The following IL1R2 variants were observed in gnomAD, a reference collection of about 807,000 sequenced individuals.
IL1R2 encodes interleukin-1 receptor type 2.
Under a neutral mutation model 39.5 loss-of-function variants are expected in IL1R2, and 46 were observed. That is an observed-to-expected ratio of 1.16 (90% CI 0.92 to 1.49). The LOEUF (loss-of-function observed/expected upper bound fraction) is 1.49. Ranked by LOEUF, IL1R2 falls within the 40% of genes most tolerant of loss-of-function variation. The probability of loss-of-function intolerance (pLI) is 0.00; values close to 1 mark genes in which losing one functional copy is unlikely to be tolerated. For missense variants in IL1R2, 537 were observed against 502.0 expected (o/e 1.07, Z -0.67); for synonymous variants, 207 against 189.6 (o/e 1.09, Z -0.75).
chr2:102,019,896 C>T, intron 5 of IL1R2, 84 bp downstream of exon 5: 1 of 1,177,582 alleles, frequency 8.5e-7, no homozygotes, highest in Non-Finnish European at 1.2e-6. Flanking sequence ...CGTAGAATTC[C>T]TTGCAGGTCT....
chr2:102,008,392 C>T (rs573776034), intron 1 of IL1R2, 123 bp from the exon 2 acceptor site: 1 of 599,966 alleles, frequency 1.7e-6, no homozygotes, highest in Non-Finnish European at 3.0e-6. Context: ...TGTTCTTAAA[C>T]AGAGTAGGCC....
chr2:102,012,208 T>G (rs1676681297), intron 3 of IL1R2, among the ~76,000 whole-genome samples: 1 of 152,216 alleles, frequency 6.6e-6, no homozygotes, highest in Non-Finnish European at 1.5e-5. Context: ...GCTTTGTTCT[T>G]CTGAACTAAG....
intron 1 of IL1R2, among the ~76,000 whole-genome samples, chr2:102,000,015 G>A (rs1166713287): frequency 6.6e-6 from 1 of 152,194 alleles, no homozygotes; most frequent in African/African-American, 2.4e-5. Context: ...TAGCTAAGTT[G>A]CCAACTACAA....
chr2:102,019,046 T>A (rs1362552977), intron 4 of IL1R2, among the ~76,000 whole-genome samples: 7 of 152,158 alleles, frequency 4.6e-5, no homozygotes, highest in Non-Finnish European at 7.4e-5. Context: ...TTTTTAGAAA[T>A]CCCATTCCGC....
rs1677606345 is a variant in IL1R2 at position 102,024,515 on chromosome 2, G to A, written c.752-18G>A. ...GTGCTGGTTCTGCAGTTGACGTGCT[G>A]TGCCTTGCCATCCACAGGGTCAAGA... On this transcript the variant is annotated intron_variant, in intron 6 of 8. Coordinates refer to ENST00000332549, the MANE Select transcript of IL1R2 (RefSeq NM_004633.4). The A allele has an allele frequency of 3.1e-6, 5 of 1,601,766 alleles. No homozygotes were observed. Among genetic ancestry groups the A allele is most frequent in the South Asian group, 1.1e-5 (1 of 90,838 alleles).
intron 1 of IL1R2, among the ~76,000 whole-genome samples, chr2:102,003,828 T>TCTGTGG (rs1676082355): frequency 4.3e-5 from 2 of 46,880 alleles, no homozygotes; most frequent in African/African-American, 2.0e-4. Flanking sequence ...TGTGTCTGTG[T>TCTGTGG]CTGTGTCTGT....
intron 1 of IL1R2, among the ~76,000 whole-genome samples, chr2:101,995,870 G>A (rs1406642245): frequency 6.6e-6 from 1 of 152,190 alleles, no homozygotes; most frequent in Non-Finnish European, 1.5e-5. Context: ...GGAGGGTGGA[G>A]ATTATTCCTA....
intron 4 of IL1R2, 91 bp downstream of exon 4, chr2:102,016,142 A>G: frequency 1.0e-6 from 1 of 958,670 alleles, no homozygotes; most frequent in Non-Finnish European, 1.6e-6. Flanking sequence ...TTTTCTGAAG[A>G]CAGTGCACAC....
At chr2:102,027,878 G>A (rs576125816) in intron 8 of IL1R2, among the ~76,000 whole-genome samples, 1 of 152,302 alleles carries the variant, frequency 6.6e-6, no homozygotes, top group South Asian at 2.1e-4. Flanking sequence ...GAAAAGGGCA[G>A]ATTGTTCCTG....
chr2:102,025,848 C>T (rs1264721051), intron 7 of IL1R2, among the ~76,000 whole-genome samples: 1 of 152,106 alleles, frequency 6.6e-6, no homozygotes, highest in Non-Finnish European at 1.5e-5. Context: ...AGATGAACTT[C>T]CCCATTATCT....
Position 101,995,410 on chromosome 2 carries a change from T to C in IL1R2, c.-62+3399T>C, listed in dbSNP as rs183810041. 4.0e-3 allele frequency among the ~76,000 whole-genome samples: 615 copies of C among 152,056 alleles called. 3 individuals carry two copies. The highest frequency in any genetic ancestry group is 6.8e-3 in the Non-Finnish European group (460 of 67,946). On this transcript the variant is annotated intron_variant, in intron 1 of 8. Transcript: ENST00000332549. ...GAGAGTGGCCTTATCCAGGAAGAAA[T>C]TGGGGGCTCAGTCCTGCAGTCATAA...
rs754830691 is a variant in IL1R2 at position 102,024,638 on chromosome 2, C to T, written c.857C>T (p.Pro286Leu). 22 of 1,614,050 alleles carry T rather than the reference C, an allele frequency of 1.4e-5. No individual in the cohort carries two copies. Among genetic ancestry groups the T allele is most frequent in the Admixed American group, 5.0e-5 (3 of 60,012 alleles). Residue 286 changes from proline (P) to leucine (L), a missense_variant, in exon 7 of 9, where the codon CCG becomes CTG. Coordinates refer to ENST00000332549, the MANE Select transcript of IL1R2 (RefSeq NM_004633.4). The stretch of plus-strand genomic sequence containing the variant: ...GACACCCACATAGAGAGCGCCTACC[C>T]GGGAGGCCGCGTGACCGAGGGGCCA... ...ANDTHIESAYPGGRVTEGPRQ... is the reference protein window; with the variant it reads ...ANDTHIESAYLGGRVTEGPRQ...
rs765619024 is a variant in IL1R2 at position 102,028,218 on chromosome 2, T to TC, written c.1031-5dup. 5 of 1,602,402 alleles carry TC rather than the reference T, an allele frequency of 3.1e-6. No individual in the cohort carries two copies. In the East Asian group the frequency reaches 8.9e-5, roughly 29 times the overall value. On this transcript the variant is annotated splice_region_variant and splice_polypyrimidine_tract_variant and intron_variant, in intron 8 of 8. Transcript: ENST00000332549. Reference sequence around the variant, plus strand: ...TCAGCTCCTGATGTGACTCTGTTCTTCCCACAGCCTCCTCCACGTTCTCCT... The same window carrying TC: ...TCAGCTCCTGATGTGACTCTGTTCTTCCCCACAGCCTCCTCCACGTTCTCCT...
chr2:101,994,243 T>A (rs573668885), intron 1 of IL1R2, among the ~76,000 whole-genome samples: 1 of 151,882 alleles, frequency 6.6e-6, no homozygotes, highest in Non-Finnish European at 1.5e-5. Context: ...CCCTTCTACA[T>A]CCCCACTCCC....
In IL1R2 at chr2:102,010,231, C is replaced by T. The variant is rs1676537690; in HGVS notation, c.332+405C>T. 2.9e-5 allele frequency: 5 copies of T among 174,496 alleles called. No individual in the cohort carries two copies. The South Asian group carries it at 6.6e-4, about 23-fold the overall frequency. 10.8% of individuals were successfully genotyped at this position (174,496 alleles called of 1,614,324 possible). On this transcript the variant is annotated intron_variant, in intron 3 of 8. Transcript: ENST00000332549. ...GGTCTATGTTGTTCACTGTTGAAGCCACATGGTAAGGAACCAAGAAATAGA... is the reference window on the plus strand; with the variant it reads ...GGTCTATGTTGTTCACTGTTGAAGCTACATGGTAAGGAACCAAGAAATAGA...
chr2:102,001,265 G>C (rs548990599), intron 1 of IL1R2, among the ~76,000 whole-genome samples: 3 of 152,226 alleles, frequency 2.0e-5, no homozygotes, highest in Non-Finnish European at 2.9e-5. Context: ...TGGTTTTAGC[G>C]AGAAGGGATG....
intron 8 of IL1R2, among the ~76,000 whole-genome samples, chr2:102,026,950 A>G (rs1677780434): frequency 6.6e-6 from 1 of 152,208 alleles, no homozygotes; most frequent in South Asian, 2.1e-4. Flanking sequence ...TAACATAAAT[A>G]CAAATTGCTC....
intron 1 of IL1R2, among the ~76,000 whole-genome samples, chr2:102,003,674 C>T (rs1238296736): frequency 7.3e-6 from 1 of 137,628 alleles, no homozygotes; most frequent in African/African-American, 2.8e-5. Context: ...GTGTCTGTGT[C>T]GGTGTCTGTG....
At chr2:102,002,567 T>A (rs1366664019) in intron 1 of IL1R2, among the ~76,000 whole-genome samples, 1 of 151,114 alleles carries the variant, frequency 6.6e-6, no homozygotes, top group Non-Finnish European at 1.5e-5. Context: ...GTATGTCTAA[T>A]CTAGGTCTCA....
Sources: allele counts gnomAD v4.1 joint callset (sites outside exome capture counted in the v4.1 genomes callset), GRCh38; gene constraint gnomAD v4.1.1; transcripts MANE v1.5; gene names NCBI Gene and HGNC (gene_info 2026-07-23, HGNC 2026-07-21).